KDM4C: variants seen among roughly 807,000 people sequenced by gnomAD.
KDM4C encodes lysine-specific demethylase 4C.
KDM4C carries 81 observed loss-of-function variants against 129.3 expected under a neutral mutation model. That is an observed-to-expected ratio of 0.63 (90% CI 0.52 to 0.75). The LOEUF (loss-of-function observed/expected upper bound fraction) is 0.75. KDM4C is among the 30% of genes least tolerant of loss of function. The probability of loss-of-function intolerance (pLI) is 0.00; values close to 1 mark genes in which losing one functional copy is unlikely to be tolerated. For missense variants in KDM4C, 1,457 were observed against 1,304.0 expected (o/e 1.12, Z -1.81); for synonymous variants, 573 against 456.1 (o/e 1.26, Z -3.26).
intron 15 of KDM4C, among the ~76,000 whole-genome samples, chr9:7,023,611 G>C (rs1825268933): frequency 6.6e-6 from 1 of 151,588 alleles, no homozygotes; most frequent in African/African-American, 2.4e-5. Flanking sequence ...TTGATCTGTT[G>C]TGTTCTCATT....
intron 1 of KDM4C, among the ~76,000 whole-genome samples, chr9:6,781,012 T>C (rs1246986812): frequency 6.6e-6 from 1 of 152,096 alleles, no homozygotes; most frequent in Non-Finnish European, 1.5e-5. Flanking sequence ...TCTCATTTTC[T>C]GTTTATGCAT....
chr9:7,045,365 A>G (rs1476379629), intron 15 of KDM4C, among the ~76,000 whole-genome samples: 1 of 152,094 alleles, frequency 6.6e-6, no homozygotes, highest in African/African-American at 2.4e-5. Flanking sequence ...ATCTTCATGT[A>G]TACAACGAAA....
chr9:6,967,703 G>C (rs1831243684), intron 8 of KDM4C, among the ~76,000 whole-genome samples: 1 of 152,144 alleles, frequency 6.6e-6, no homozygotes, highest in Non-Finnish European at 1.5e-5. Context: ...ATCTCTGTAA[G>C]TTTTCTCAAT....
At chr9:6,743,261 C>T (rs919287410) in intron 1 of KDM4C, among the ~76,000 whole-genome samples, 6 of 152,068 alleles carry the variant, frequency 3.9e-5, no homozygotes, top group Non-Finnish European at 8.8e-5. Context: ...GGGGCTTTAC[C>T]CCTTCAACGA....
chr9:7,159,844 G>C (rs1051495999), intron 19 of KDM4C, among the ~76,000 whole-genome samples: 1 of 152,094 alleles, frequency 6.6e-6, no homozygotes, highest in African/African-American at 2.4e-5. Flanking sequence ...TCTTTGTGGT[G>C]TTCTCTGTAT....
intron 3 of KDM4C, among the ~76,000 whole-genome samples, chr9:6,812,435 C>G (rs1300966686): frequency 1.3e-5 from 2 of 152,082 alleles, no homozygotes; most frequent in East Asian, 3.8e-4. Context: ...TGGCAAGGGA[C>G]TGGTTTTGTG....
At chr9:6,950,798 C>G (rs2131503939) in intron 8 of KDM4C, among the ~76,000 whole-genome samples, 1 of 152,200 alleles carries the variant, frequency 6.6e-6, no homozygotes, top group Non-Finnish European at 1.5e-5. Flanking sequence ...GTGCATATGC[C>G]TTTTCATGGT....
intron 20 of KDM4C, 84 bp from the exon 21 acceptor site, chr9:7,169,714 T>C: frequency 9.3e-7 from 1 of 1,074,288 alleles, no homozygotes; most frequent in Non-Finnish European, 1.3e-6. Context: ...GTCCTTTTCA[T>C]CTTTTCATGT....
chr9:6,803,126 C>T (rs747008791), intron 2 of KDM4C, among the ~76,000 whole-genome samples: 10 of 152,072 alleles, frequency 6.6e-5, no homozygotes, highest in East Asian at 3.8e-4. Context: ...TGGAAAAGGG[C>T]GCTTGGAGGG....
intron 1 of KDM4C, among the ~76,000 whole-genome samples, chr9:6,729,223 A>G (rs1817246545): frequency 8.0e-6 from 1 of 124,668 alleles, no homozygotes; most frequent in South Asian, 3.0e-4. Context: ...AAAAAAAAAA[A>G]AAAAGAAGAA....
At chr9:6,768,938 A>G (rs929382763) in intron 1 of KDM4C, among the ~76,000 whole-genome samples, 1 of 151,838 alleles carries the variant, frequency 6.6e-6, no homozygotes, top group Admixed American at 6.6e-5. Context: ...ATGCCCGGGT[A>G]ATTTTTGTAT....
At chr9:7,014,915 A>AACAC (rs55864882) in intron 14 of KDM4C, among the ~76,000 whole-genome samples, 34,639 of 146,030 alleles carry the variant, frequency 0.24, 4,612 homozygotes, top group East Asian at 0.41. Flanking sequence ...GGCAATTTGT[A>AACAC]ACACACACAC....
chr9:6,836,983 G>C (rs1380032674), intron 4 of KDM4C, among the ~76,000 whole-genome samples: 1 of 152,150 alleles, frequency 6.6e-6, no homozygotes, highest in Non-Finnish European at 1.5e-5. Context: ...GGCTCATAGA[G>C]TATTTAACTT....
chr9:6,959,804 A>G (rs1253088829), intron 8 of KDM4C, among the ~76,000 whole-genome samples: 2 of 152,180 alleles, frequency 1.3e-5, no homozygotes, highest in South Asian at 4.1e-4. Context: ...TTTCAGTTGT[A>G]ATAAAAGGAA....
chr9:7,104,279 C>T lies in KDM4C; in HGVS notation c.2610+409C>T, dbSNP rs1410707198. On this transcript the variant is annotated intron_variant, in intron 18 of 21. Transcript: ENST00000381309. ...ATTATGTAGTGAACAGTCTATGAAA[C>T]TGTACACTGTGGTCTTGGGCTGTTA... 5 of 166,790 alleles carry T rather than the reference C, an allele frequency of 3.0e-5. No homozygotes were observed. The East Asian group carries it at 7.7e-4, about 26-fold the overall frequency. 10.3% of individuals were successfully genotyped at this position (166,790 alleles called of 1,614,324 possible).
chr9:6,830,061 C>G (rs770214362), intron 4 of KDM4C, among the ~76,000 whole-genome samples: 7 of 152,100 alleles, frequency 4.6e-5, no homozygotes, highest in Non-Finnish European at 8.8e-5. Flanking sequence ...GGCAGTGTTT[C>G]TGTACCAAAA....
chr9:7,137,299 A>C (rs1407866), intron 19 of KDM4C, among the ~76,000 whole-genome samples: 66,455 of 152,064 alleles, frequency 0.44, 16,277 homozygotes, highest in Non-Finnish European at 0.56. Context: ...ATGACATCAT[A>C]TCTAAATGTT....
rs140771401 is a variant in KDM4C at position 6,722,628 on chromosome 9, C to T, written c.49+1631C>T. On this transcript the variant is annotated intron_variant, in intron 1 of 17. Transcript: ENST00000536108. ...TCCCAGGTTCAAGTGATTCTCCTGCCTCAGGCTCCCGAGTAGCTGCGATTA... is the reference window on the plus strand; with the variant it reads ...TCCCAGGTTCAAGTGATTCTCCTGCTTCAGGCTCCCGAGTAGCTGCGATTA... Among the ~76,000 whole-genome samples, 643 of 151,986 alleles carry T rather than the reference C, an allele frequency of 4.2e-3. 6 individuals carry two copies. Among genetic ancestry groups the T allele is most frequent in the African/African-American group, 0.015 (617 of 41,464 alleles).
chr9:6,930,529 A>G (rs1018433370), intron 8 of KDM4C, among the ~76,000 whole-genome samples: 21 of 113,176 alleles, frequency 1.9e-4, no homozygotes, highest in Non-Finnish European at 4.0e-4. Flanking sequence ...ATATAATATG[A>G]ATATATGTGT....
Sources: allele counts gnomAD v4.1 joint callset (sites outside exome capture counted in the v4.1 genomes callset), GRCh38; gene constraint gnomAD v4.1.1; transcripts MANE v1.5; gene names NCBI Gene and HGNC (gene_info 2026-07-23, HGNC 2026-07-21).